Variants in DNMT3A observed in about 807,000 individuals in gnomAD.
DNMT3A encodes the protein DNA methyltransferase 3 alpha.
In DNMT3A, 267 loss-of-function variants were observed where a neutral mutation model predicts 117.6. That is an observed-to-expected ratio of 2.27 (90% CI 2.05 to 2.51). The LOEUF (loss-of-function observed/expected upper bound fraction) is 2.51, where lower values mean the gene tolerates loss of function less well. Ranked by LOEUF, DNMT3A falls within the 30% of genes most tolerant of loss-of-function variation. The pLI, the probability that DNMT3A is intolerant of heterozygous loss-of-function variation, is 0.00. For missense variants in DNMT3A, 1,029 were observed against 1,260.2 expected, an observed-to-expected ratio of 0.82 and a Z score of 2.78; for synonymous variants, 432 against 474.8, an observed-to-expected ratio of 0.91 and a Z score of 1.17.
intron 3 of DNMT3A, among the ~76,000 whole-genome samples, chr2:25,291,652 C>T (rs1452306406): frequency 6.6e-6 from 1 of 152,268 alleles, no homozygotes; most frequent in Admixed American, 6.5e-5. Flanking sequence ...CCTCCAGGTC[C>T]TACCATTCCC....
chr2:25,252,312 A>C lies in DNMT3A; in HGVS notation c.640-4060T>G. 6.8e-5 allele frequency: 2 copies of C among 29,566 alleles called. No homozygotes were observed. The highest frequency in any genetic ancestry group is 6.0e-5 in the Non-Finnish European group (1 of 16,580). The allele number at this position is 29,566 out of a possible 1,614,324, so 1.8% of individuals were successfully genotyped here. A position where few individuals can be genotyped will look rare whatever the true frequency, so the allele number is the denominator to read the frequency against. ...AAGGGGGCGATGGGGCTGGGGGCGG[A>C]GGGGGCCACTGGGAGGGGAGGGGGG... On this transcript the variant is annotated intron_variant, in intron 6 of 22. Coordinates refer to ENST00000321117, the MANE Select transcript of DNMT3A (RefSeq NM_022552.5). This position sits in a 1 kb window ranked among gnomAD's most constrained non-coding sequence, Gnocchi z 5.5.
chr2:25,295,538 G>GT (rs1339012703), intron 3 of DNMT3A, among the ~76,000 whole-genome samples: 3 of 152,214 alleles, frequency 2.0e-5, no homozygotes, highest in Admixed American at 1.3e-4. Context: ...CATTTTCTTT[G>GT]TATGCTTTTT....
chr2:25,301,046 G>A (rs545267723), intron 2 of DNMT3A, among the ~76,000 whole-genome samples: 16 of 151,524 alleles, frequency 1.1e-4, no homozygotes, highest in Non-Finnish European at 1.5e-4. Flanking sequence ...TGAGGCAGGT[G>A]GATCATGAGG....
chr2:25,283,531 C>T (rs963692512), intron 3 of DNMT3A, among the ~76,000 whole-genome samples: 3 of 152,030 alleles, frequency 2.0e-5, no homozygotes, highest in African/African-American at 4.8e-5. Flanking sequence ...GCATGAGAGT[C>T]GAAGGAGGAC....
At chr2:25,285,619 C>T (rs1286985353) in intron 3 of DNMT3A, among the ~76,000 whole-genome samples, 1 of 152,240 alleles carries the variant, frequency 6.6e-6, no homozygotes, top group East Asian at 1.9e-4. Context: ...AGAAGTCCTC[C>T]ACTGTGCTTG....
At chr2:25,314,409 C>T in intron 1 of DNMT3A, 1 of 985,358 alleles carries the variant, frequency 1.0e-6, no homozygotes, top group Non-Finnish European at 1.2e-6. Context: ...ATGGGTGCCA[C>T]TTCTGGGACC....
intron 3 of DNMT3A, among the ~76,000 whole-genome samples, chr2:25,284,132 A>C (rs1456149257): frequency 2.0e-5 from 3 of 152,140 alleles, no homozygotes; most frequent in Non-Finnish European, 4.4e-5. Context: ...ACCAGGCTGC[A>C]CTCAGCAACT....
intron 3 of DNMT3A, among the ~76,000 whole-genome samples, chr2:25,287,613 G>C (rs549236279): frequency 1.9e-4 from 29 of 152,246 alleles, no homozygotes; most frequent in African/African-American, 6.7e-4. Flanking sequence ...CTCCCCACCA[G>C]GACATTTTGG....
At chr2:25,261,760 A>C (rs1012232961) in intron 6 of DNMT3A, among the ~76,000 whole-genome samples, 5 of 152,148 alleles carry the variant, frequency 3.3e-5, no homozygotes, top group Non-Finnish European at 7.4e-5. Flanking sequence ...ACCTGCTCCC[A>C]GAAGTCCCAT....
intron 22 of DNMT3A, 51 bp downstream of exon 22, chr2:25,235,656 C>G: frequency 1.4e-6 from 2 of 1,459,744 alleles, no homozygotes; most frequent in Non-Finnish European, 1.9e-6. Context: ...GCAGCAAGCA[C>G]AGCAATCAGA....
At chr2:25,287,585 C>A (rs1003135716) in intron 3 of DNMT3A, among the ~76,000 whole-genome samples, 4 of 152,236 alleles carry the variant, frequency 2.6e-5, no homozygotes, top group African/African-American at 9.6e-5. Context: ...TAGTTCTCAA[C>A]TGGGGCGATT....
chr2:25,291,583 G>C (rs1042353475), intron 3 of DNMT3A, among the ~76,000 whole-genome samples: 3 of 152,216 alleles, frequency 2.0e-5, no homozygotes, highest in Non-Finnish European at 4.4e-5. Context: ...GTCAGGGATG[G>C]CGGGACCAGA....
chr2:25,272,896 G>A (rs1301368103), intron 6 of DNMT3A, among the ~76,000 whole-genome samples: 1 of 149,858 alleles, frequency 6.7e-6, no homozygotes, highest in Non-Finnish European at 1.5e-5. Flanking sequence ...CCACCTGTCG[G>A]GTTCAAGCAA....
intron 6 of DNMT3A, among the ~76,000 whole-genome samples, chr2:25,261,909 G>A (rs1386808635): frequency 3.3e-5 from 5 of 151,818 alleles, no homozygotes; most frequent in South Asian, 2.1e-4. Flanking sequence ...CCCTGGGGTC[G>A]GGCGCAGTGG....
intron 1 of DNMT3A, among the ~76,000 whole-genome samples, chr2:25,332,185 C>A (rs146392433): frequency 6.6e-6 from 1 of 152,218 alleles, no homozygotes; most frequent in Non-Finnish European, 1.5e-5. Context: ...CCAAGCCCAA[C>A]GTCCGTTCAT....
At position 25,237,134 on chromosome 2, in the gene DNMT3A, C is replaced by G. The variant is rs6735056; in HGVS notation, c.2409-129G>C. 1.2e-6 allele frequency: 1 copy of G among 807,230 alleles called. No homozygotes were observed. The highest frequency in any genetic ancestry group is 1.7e-5 in the South Asian group (1 of 58,860). 50.0% of individuals were successfully genotyped at this position (807,230 alleles called of 1,614,324 possible). On this transcript the variant is annotated intron_variant, in intron 20 of 22. Coordinates refer to ENST00000321117, the MANE Select transcript of DNMT3A (RefSeq NM_022552.5). The surrounding 1 kb of genome is among the most constrained non-coding windows in gnomAD (Gnocchi z 5.4). The stretch of plus-strand genomic sequence containing the variant: ...GGGTAAGAGCCCCTTCCCCAAATCA[C>G]GCACACACGTCATAACTCTCTTCAA...
chr2:25,283,516 T>C (rs988213771), intron 3 of DNMT3A, among the ~76,000 whole-genome samples: 1 of 152,188 alleles, frequency 6.6e-6, no homozygotes, highest in Non-Finnish European at 1.5e-5. Flanking sequence ...TCTTGGTCTC[T>C]TGAGGCATGA....
At chr2:25,314,769 G>A (rs998789638) in intron 1 of DNMT3A, 23 of 934,626 alleles carry the variant, frequency 2.5e-5, no homozygotes, top group Admixed American at 6.2e-5. Context: ...CACAGGCCAC[G>A]GCCACACTGA....
At chr2:25,263,778 C>T (rs1400626418) in intron 6 of DNMT3A, among the ~76,000 whole-genome samples, 1 of 152,210 alleles carries the variant, frequency 6.6e-6, no homozygotes, top group African/African-American at 2.4e-5. Flanking sequence ...TCCCTTAGGA[C>T]CCCACTCCAT....
Sources: gnomAD v4.1 joint callset for allele counts (sites outside exome capture counted in the v4.1 genomes callset) on GRCh38, gnomAD v4.1.1 for gene constraint, Gnocchi (gnomAD v3.1) non-coding constraint, MANE v1.5 for transcripts, NCBI Gene and HGNC (gene_info 2026-07-23, HGNC 2026-07-21) for gene names.